TASP1: variants seen among roughly 807,000 people sequenced by gnomAD.
TASP1 encodes the protein taspase 1.
TASP1 carries 16 observed loss-of-function variants against 56.6 expected under a neutral mutation model. The ratio of observed to expected loss-of-function variants is 0.28; its 90% CI spans 0.19 to 0.43. TASP1 has a LOEUF of 0.43. Among genes scored for constraint, TASP1 ranks in the 20% least tolerant of loss-of-function variants. TASP1 has a pLI of 1.00. For missense variants in TASP1, 393 were observed against 511.6 expected, an observed-to-expected ratio of 0.77 and a Z score of 2.24; for synonymous variants, 179 against 184.2, an observed-to-expected ratio of 0.97 and a Z score of 0.23.
the TASP1 span, among the ~76,000 whole-genome samples, chr20:13,323,789 G>T: frequency 6.6e-6 from 1 of 152,106 alleles, no homozygotes; most frequent in Non-Finnish European, 1.5e-5. Context: ...CCAGAATTTT[G>T]AAATGAAGGC....
rs12480587 is a variant in TASP1, at chr20:13,470,715, G to A, written c.985+12512C>T. ...GATATCAGTCACCTATTGACAAGATGATTTGGAGTCTAAACCATCTAACTT... is the reference window on the plus strand; with the variant it reads ...GATATCAGTCACCTATTGACAAGATAATTTGGAGTCTAAACCATCTAACTT... On this transcript the variant is annotated intron_variant, in intron 11 of 13. Coordinates refer to ENST00000337743, the MANE Select transcript of TASP1 (RefSeq NM_017714.3). Among the ~76,000 whole-genome samples, 771 of 152,232 alleles carry A rather than the reference G, an allele frequency of 5.1e-3. 4 individuals carry two copies. The highest frequency in any genetic ancestry group is 0.012 in the East Asian group (60 of 5,188).
the TASP1 span, among the ~76,000 whole-genome samples, chr20:13,157,028 T>A: frequency 6.6e-6 from 1 of 152,194 alleles, no homozygotes; most frequent in African/African-American, 2.4e-5. Flanking sequence ...AGAGCTAATA[T>A]CACAGAGTAC....
the TASP1 span, chr20:13,292,429 CGAG>C: frequency 1.2e-6 from 2 of 1,605,576 alleles, no homozygotes; most frequent in Non-Finnish European, 1.7e-6. Context: ...TTGCGGGAAG[CGAG>C]GAGTTTAATG....
At chr20:13,286,902 G>A in the TASP1 span, among the ~76,000 whole-genome samples, 22 of 152,228 alleles carry the variant, frequency 1.4e-4, no homozygotes, top group Non-Finnish European at 1.3e-4. Context: ...TTAGCTCCAC[G>A]CTTGGCAGCA....
At chr20:13,367,128 C>T in the TASP1 span, among the ~76,000 whole-genome samples, 1 of 152,202 alleles carries the variant, frequency 6.6e-6, no homozygotes, top group Non-Finnish European at 1.5e-5. Context: ...TATTACTCAA[C>T]ATCAGCCTCA....
intron 10 of TASP1, among the ~76,000 whole-genome samples, chr20:13,520,411 G>A (rs2044701468): frequency 6.6e-6 from 1 of 152,112 alleles, no homozygotes; most frequent in South Asian, 2.1e-4. Context: ...CACGGTACTG[G>A]TACCAAAACA....
chr20:13,484,640 G>A (rs1568862226), intron 10 of TASP1, among the ~76,000 whole-genome samples: 1 of 150,306 alleles, frequency 6.7e-6, no homozygotes, highest in Non-Finnish European at 1.5e-5. Context: ...GGAGGGAGAG[G>A]CAAGAGAATC....
intron 11 of TASP1, among the ~76,000 whole-genome samples, chr20:13,458,400 T>C (rs370047619): frequency 6.6e-6 from 1 of 152,174 alleles, no homozygotes; most frequent in African/African-American, 2.4e-5. Flanking sequence ...TAGGCTGGAA[T>C]GCAATGGCAC....
chr20:13,481,296 G>T (rs1322281008), intron 11 of TASP1, among the ~76,000 whole-genome samples: 2 of 152,058 alleles, frequency 1.3e-5, no homozygotes, highest in African/African-American at 4.8e-5. Flanking sequence ...TTGTGTATAT[G>T]TGCCACGTTT....
the TASP1 span, among the ~76,000 whole-genome samples, chr20:13,106,547 G>A: frequency 1.6e-4 from 24 of 152,322 alleles, no homozygotes; most frequent in African/African-American, 5.5e-4. Context: ...AGGAGGCTGT[G>A]TGTTGGGGGA....
intron 4 of TASP1, among the ~76,000 whole-genome samples, chr20:13,606,002 G>T (rs2048134618): frequency 6.6e-6 from 1 of 152,080 alleles, no homozygotes; most frequent in Admixed American, 6.6e-5. Context: ...CTGCGATTCT[G>T]AGCACATCAA....
chr20:13,282,548 C>T, the TASP1 span, among the ~76,000 whole-genome samples: 1 of 152,188 alleles, frequency 6.6e-6, no homozygotes, highest in Non-Finnish European at 1.5e-5. Context: ...CTCAGCCACC[C>T]TCACCCCCAG....
chr20:13,561,388 C>T (rs2046338235), intron 7 of TASP1, among the ~76,000 whole-genome samples: 1 of 152,040 alleles, frequency 6.6e-6, no homozygotes, highest in East Asian at 1.9e-4. Flanking sequence ...ATTTTTGAGA[C>T]AGAGTCTCCC....
chr20:13,431,789 A>G (rs1297310225), intron 12 of TASP1, among the ~76,000 whole-genome samples: 1 of 152,142 alleles, frequency 6.6e-6, no homozygotes, highest in African/African-American at 2.4e-5. Context: ...ATCTTCATAG[A>G]TTAATGGGTT....
chr20:13,572,378 G>A (rs911954083), intron 6 of TASP1, among the ~76,000 whole-genome samples: 1 of 152,076 alleles, frequency 6.6e-6, no homozygotes, highest in Admixed American at 6.6e-5. Flanking sequence ...AAACCACCAC[G>A]GAGGTGAGGT....
chr20:13,445,173 C>T (rs182236813), intron 11 of TASP1, among the ~76,000 whole-genome samples: 34 of 152,114 alleles, frequency 2.2e-4, no homozygotes, highest in South Asian at 8.3e-4. Flanking sequence ...ATTCAATCTT[C>T]GGATAAATTT....
At chr20:13,134,219 T>A in the TASP1 span, among the ~76,000 whole-genome samples, 1 of 152,212 alleles carries the variant, frequency 6.6e-6, no homozygotes, top group Non-Finnish European at 1.5e-5. Context: ...GTCTCAGTTA[T>A]GTCGTGATGC....
chr20:13,550,928 C>T (rs1179515875), intron 8 of TASP1, among the ~76,000 whole-genome samples: 1 of 152,012 alleles, frequency 6.6e-6, no homozygotes, highest in African/African-American at 2.4e-5. Flanking sequence ...ACCTCTCACC[C>T]AAAAACTACA....
the TASP1 span, among the ~76,000 whole-genome samples, chr20:13,261,683 G>A: frequency 6.6e-6 from 1 of 152,138 alleles, no homozygotes; most frequent in Admixed American, 6.5e-5. Flanking sequence ...AACGTCCAAT[G>A]ACCTTTGAAA....
Sources: allele counts gnomAD v4.1 joint callset (sites outside exome capture counted in the v4.1 genomes callset), GRCh38; gene constraint gnomAD v4.1.1; transcripts MANE v1.5; gene names NCBI Gene and HGNC (gene_info 2026-07-23, HGNC 2026-07-21).